The following RASGEF1B variants were observed in gnomAD, a reference collection of about 807,000 sequenced individuals.
RASGEF1B encodes RasGEF domain family member 1B.
RASGEF1B carries 30 observed loss-of-function variants against 65.7 expected under a neutral mutation model. The observed-to-expected ratio is 0.46, with a 90% CI of 0.34 to 0.62. The LOEUF is 0.62. Ranked by LOEUF, RASGEF1B falls within the 20% of genes least tolerant of loss-of-function variation. The pLI is 0.01. For missense variants in RASGEF1B, 495 were observed against 580.1 expected (o/e 0.85, Z 1.51); for synonymous variants, 175 against 194.8 (o/e 0.90, Z 0.85).
intron 4 of RASGEF1B, 109 bp downstream of exon 4, chr4:81,456,542 G>C (rs1266868086): frequency 7.9e-7 from 1 of 1,267,246 alleles, no homozygotes; most frequent in Non-Finnish European, 1.1e-6. Flanking sequence ...CTTGCCCAAA[G>C]GCAAAACAGA....
In RASGEF1B at chr4:81,457,509, T is replaced by C. The variant is rs752031396; in HGVS notation, c.290A>G (p.Asp97Gly). The C allele has an allele frequency of 1.9e-6, 3 of 1,614,068 alleles. No homozygotes were observed. The South Asian group carries it at 3.3e-5, about 18-fold the overall frequency. Residue 97 changes from aspartate (D) to glycine (G), a missense_variant, in exon 3 of 14, where the codon GAT becomes GGT. Transcript: ENST00000264400. Reference sequence around the variant, plus strand: ...GTAATGTACCATTACCTTATCACTATCAGGATCACTTAGTCTCTGGTGCTC... The same window carrying C: ...GTAATGTACCATTACCTTATCACTACCAGGATCACTTAGTCTCTGGTGCTC... ...CVEHQRLSDP[D>G]SDKNQMRKIA...
intron 4 of RASGEF1B, chr4:81,451,891 T>C (rs147311091): frequency 9.8e-5 from 15 of 152,302 alleles, no homozygotes; most frequent in African/African-American, 3.4e-4. Context: ...TAGTAAGAAA[T>C]TACCACTTCT....
chr4:81,457,644 T>C (rs747356017), intron 2 of RASGEF1B, 23 bp from the exon 3 acceptor site: 1 of 1,611,500 alleles, frequency 6.2e-7, no homozygotes, highest in Non-Finnish European at 8.5e-7. Flanking sequence ...AAAAAAGTCA[T>C]CATCGTTACA....
In RASGEF1B at chr4:81,440,880, C is replaced by G; in HGVS notation, c.1058G>C (p.Arg353Pro). The change falls in exon 10 of 14, where the codon CGT (arginine) becomes CCT (proline). Residue 353 changes from arginine (R) to proline (P), a missense_variant. By Grantham distance (103) the Arg-to-Pro change is moderately radical (BLOSUM62 -2). Transcript: ENST00000264400. ...SNFYNYRTAL[R>P]GAAQRSLTAH... Reference sequence around the variant, plus strand: ...AGTTAAAGACCTTTGTGCTGCCCCACGAAGAGCTGTTCGATAATTATAGAA... The same window carrying G: ...AGTTAAAGACCTTTGTGCTGCCCCAGGAAGAGCTGTTCGATAATTATAGAA... 1 of 1,613,144 alleles carries G rather than the reference C, an allele frequency of 6.2e-7. No individual in the cohort carries two copies. The highest frequency in any genetic ancestry group is 8.5e-7 in the Non-Finnish European group (1 of 1,179,408).
intron 1 of RASGEF1B, among the ~76,000 whole-genome samples, chr4:81,466,713 C>T (rs1407724793): frequency 2.8e-5 from 4 of 141,966 alleles, no homozygotes; most frequent in Non-Finnish European, 3.0e-5. Flanking sequence ...GAGCTGAGAA[C>T]GCGCCACTGC....
intron 6 of RASGEF1B, among the ~76,000 whole-genome samples, chr4:81,446,889 G>A (rs1246934399): frequency 6.6e-6 from 1 of 152,144 alleles, no homozygotes; most frequent in Non-Finnish European, 1.5e-5. Context: ...TCTCAGAAGG[G>A]GGCTTTCAGC....
intron 10 of RASGEF1B, among the ~76,000 whole-genome samples, chr4:81,436,101 T>G (rs528779092): frequency 6.6e-6 from 1 of 152,284 alleles, no homozygotes; most frequent in African/African-American, 2.4e-5. Flanking sequence ...GATTTTAAGA[T>G]GCATGACCCA....
At chr4:81,468,502 T>C (rs1426945562) in intron 1 of RASGEF1B, among the ~76,000 whole-genome samples, 3 of 152,066 alleles carry the variant, frequency 2.0e-5, no homozygotes, top group Non-Finnish European at 4.4e-5. Context: ...ATAATAAATA[T>C]AAACCTAAGA....
At chr4:81,456,339 A>G (rs1722439400) in intron 4 of RASGEF1B, 3 of 595,940 alleles carry the variant, frequency 5.0e-6, no homozygotes, top group African/African-American at 1.9e-5. Flanking sequence ...GCTGTGTCAA[A>G]CCTTTTTGGG....
At chr4:81,470,057 C>T (rs1333491765) in intron 1 of RASGEF1B, among the ~76,000 whole-genome samples, 1 of 152,062 alleles carries the variant, frequency 6.6e-6, no homozygotes, top group Admixed American at 6.5e-5. Context: ...CATAATATAA[C>T]GCTGTTTGTA....
At chr4:81,447,478 T>C (rs758170456) in intron 6 of RASGEF1B, 26 bp downstream of exon 6, 8 of 1,586,246 alleles carry the variant, frequency 5.0e-6, no homozygotes, top group East Asian at 4.5e-5. Flanking sequence ...TTGGTTTCAG[T>C]GCTGACCTTT....
chr4:81,446,558 C>T (rs1303026448), intron 6 of RASGEF1B, among the ~76,000 whole-genome samples: 3 of 152,152 alleles, frequency 2.0e-5, no homozygotes, highest in African/African-American at 4.8e-5. Flanking sequence ...AGGAGTAGAA[C>T]ATTTTCTCTT....
At chr4:81,430,000 C>T (rs776075009) in intron 13 of RASGEF1B, among the ~76,000 whole-genome samples, 2 of 152,316 alleles carry the variant, frequency 1.3e-5, no homozygotes, top group South Asian at 2.1e-4. Flanking sequence ...CCCCCATAGG[C>T]GGAGAGCTAC....
Position 81,441,129 on chromosome 4 carries a change from A to G in RASGEF1B, c.1009-200T>C, listed in dbSNP as rs116360755. Among the ~76,000 whole-genome samples the G allele has an allele frequency of 9.2e-3, 1,399 of 152,312 alleles. 24 individuals are homozygous for G. Among genetic ancestry groups the G allele is most frequent in the African/African-American group, 0.032 (1,345 of 41,556 alleles). On this transcript the variant is annotated intron_variant, in intron 9 of 13. Coordinates refer to ENST00000264400, the MANE Select transcript of RASGEF1B (RefSeq NM_152545.3). ...TCCTGAGATTTGGTGTAATTATGCG[A>G]GCTGATGTCAGCTTCAATAATGTTA...
At chr4:81,459,282 A>G (rs1315367547) in intron 2 of RASGEF1B, 50 bp downstream of exon 2, 3 of 1,416,954 alleles carry the variant, frequency 2.1e-6, no homozygotes, top group Admixed American at 4.6e-5. Context: ...ACTGTACTGC[A>G]ATTTCTACTC....
Position 81,457,365 on chromosome 4 carries a change from C to A in RASGEF1B, c.300+134G>T, listed in dbSNP as rs1038163904. ...TTTATTCTTTATACCATTCACAATT[C>A]CCCTTGTATAGCCATGATGCCATTT... On this transcript the variant is annotated intron_variant, in intron 3 of 13. Transcript: ENST00000264400. 37 of 770,442 alleles carry A rather than the reference C, an allele frequency of 4.8e-5. 1 individual carries two copies. The highest frequency in any genetic ancestry group is 5.4e-5 in the South Asian group (3 of 55,914). 47.7% of individuals were successfully genotyped at this position (770,442 alleles called of 1,614,324 possible). A position where few individuals can be genotyped will look rare whatever the true frequency, so the allele number is the denominator to read the frequency against.
Position 81,447,564 on chromosome 4 carries a change from A to G in RASGEF1B, c.669T>C (p.Tyr223=). 1 of 1,613,620 alleles carries G rather than the reference A, an allele frequency of 6.2e-7. No individual in the cohort carries two copies. Among genetic ancestry groups the G allele is most frequent in the Non-Finnish European group, 8.5e-7 (1 of 1,179,604 alleles). Residue 223 remains tyrosine, a synonymous_variant, in exon 6 of 14, where the codon TAT becomes TAC. Transcript: ENST00000264400. Reference sequence around the variant, plus strand: ...CCTGAACAAATTCTTCTGGCCCAATATAATTGAGCCTCTCCTGAAACACAA... The same window carrying G: ...CCTGAACAAATTCTTCTGGCCCAATGTAATTGAGCCTCTCCTGAAACACAA... ...LTHIELERLN[Y]IGPEEFVQAF... is the part of the protein sequence containing the mutation.
chr4:81,460,812 T>G (rs1722616194), intron 1 of RASGEF1B, among the ~76,000 whole-genome samples: 1 of 152,184 alleles, frequency 6.6e-6, no homozygotes, highest in Non-Finnish European at 1.5e-5. Flanking sequence ...CATTTCTGAG[T>G]ACTTTGTCCC....
chr4:81,458,646 A>G (rs1283387452), intron 2 of RASGEF1B, among the ~76,000 whole-genome samples: 2 of 152,240 alleles, frequency 1.3e-5, no homozygotes, highest in Non-Finnish European at 2.9e-5. Context: ...GCTGCAGCAC[A>G]GGGAAGGGGG....
Sources: gnomAD v4.1 joint callset for allele counts (sites outside exome capture counted in the v4.1 genomes callset) on GRCh38, gnomAD v4.1.1 for gene constraint, MANE v1.5 for transcripts, NCBI Gene and HGNC (gene_info 2026-07-23, HGNC 2026-07-21) for gene names.